The following KAZN variants were observed in gnomAD, a reference collection of about 807,000 sequenced individuals.
KAZN encodes the protein kazrin, periplakin interacting protein.
KAZN carries 40 observed loss-of-function variants against 87.4 expected under a neutral mutation model. The observed-to-expected ratio is 0.46, with a 90% confidence interval of 0.36 to 0.60. The LOEUF is 0.60. Among genes scored for constraint, KAZN ranks in the 20% least tolerant of loss-of-function variants. The probability of loss-of-function intolerance (pLI) is 0.00; values close to 1 mark genes in which losing one functional copy is unlikely to be tolerated. For missense variants in KAZN, 898 were observed against 1,073.9 expected, an observed-to-expected ratio of 0.84 and a Z score of 2.29; for synonymous variants, 466 against 458.3, an observed-to-expected ratio of 1.02 and a Z score of -0.22.
chr1:13,926,783 T>C (rs1640297138), intron 1 of KAZN, among the ~76,000 whole-genome samples: 1 of 152,156 alleles, frequency 6.6e-6, no homozygotes, highest in African/African-American at 2.4e-5. Context: ...TATTTGATAC[T>C]GGGGTGACAG....
At chr1:14,896,368 T>C (rs1042810938) in intron 1 of KAZN, among the ~76,000 whole-genome samples, 5 of 152,190 alleles carry the variant, frequency 3.3e-5, no homozygotes, top group Admixed American at 6.5e-5. Context: ...AGATGCCTTT[T>C]TAAAAGACGA....
At chr1:14,345,009 C>A (rs2100919892) in intron 2 of KAZN, among the ~76,000 whole-genome samples, 1 of 151,732 alleles carries the variant, frequency 6.6e-6, no homozygotes, top group African/African-American at 2.4e-5. Context: ...ACCTCCGCCT[C>A]CAGGGTTCAA....
At chr1:14,134,972 CACACA>C (rs1645073670) in intron 1 of KAZN, among the ~76,000 whole-genome samples, 1 of 10,488 alleles carries the variant, frequency 9.5e-5, no homozygotes, top group African/African-American at 4.5e-4. Context: ...TGCACCCGCA[CACACA>C]CACACACACA....
intron 1 of KAZN, among the ~76,000 whole-genome samples, chr1:13,958,943 AG>A (rs1454529821): frequency 6.6e-6 from 1 of 152,070 alleles, no homozygotes; most frequent in East Asian, 1.9e-4. Context: ...AGCTAAGAAA[AG>A]CCAGGTGTGA....
In KAZN at chr1:14,368,422, A is replaced by C. The variant is rs572907249; in HGVS notation, c.249+187830A>C. Among the ~76,000 whole-genome samples, 4 of 152,314 alleles carry C rather than the reference A, an allele frequency of 2.6e-5. No individual in the cohort carries two copies. The South Asian group carries it at 8.3e-4, about 32-fold the overall frequency. On this transcript the variant is annotated intron_variant, in intron 2 of 16. Transcript: ENST00000636203. The stretch of plus-strand genomic sequence containing the variant: ...TTGTCAGAGTGTTTATGAATGATCC[A>C]TCCATTAGGCACTCCCATGATGTGG...
chr1:14,376,109 A>G (rs1660897539), intron 2 of KAZN, among the ~76,000 whole-genome samples: 1 of 152,172 alleles, frequency 6.6e-6, no homozygotes, highest in African/African-American at 2.4e-5. Context: ...GCACCTGAAC[A>G]CAGTGAGGGA....
chr1:14,413,594 A>G (rs988596956), intron 2 of KAZN, among the ~76,000 whole-genome samples: 4 of 54,618 alleles, frequency 7.3e-5, no homozygotes, highest in Non-Finnish European at 2.0e-4. Flanking sequence ...GTCTCAAAAG[A>G]AAAAAAAAAA....
chr1:14,068,959 T>G (rs1049546465), intron 1 of KAZN, among the ~76,000 whole-genome samples: 1 of 151,940 alleles, frequency 6.6e-6, no homozygotes, highest in African/African-American at 2.4e-5. Flanking sequence ...CCACCACGCC[T>G]GGTTAATTTT....
At chr1:14,165,047 T>C (rs1645796323) in intron 1 of KAZN, among the ~76,000 whole-genome samples, 1 of 138,410 alleles carries the variant, frequency 7.2e-6, no homozygotes, top group Non-Finnish European at 1.6e-5. Context: ...AGGATCATTT[T>C]TCCTCTTAAA....
In KAZN at chr1:14,569,689, G is replaced by A. The variant is rs150403217; in HGVS notation, c.250-29294G>A. ...CATCAACCAGTTTGGGAAAATTTCT[G>A]CTTAAAATCACAAGTCATTAACACC... On this transcript the variant is annotated intron_variant, in intron 2 of 16. Coordinates refer to the KAZN transcript ENST00000636203. 4.5e-3 allele frequency among the ~76,000 whole-genome samples: 691 copies of A among 152,108 alleles called. 8 individuals carry two copies. The highest frequency in any genetic ancestry group is 0.016 in the African/African-American group (652 of 41,488).
At chr1:13,919,207 A>G in intron 1 of KAZN, among the ~76,000 whole-genome samples, 1 of 152,180 alleles carries the variant, frequency 6.6e-6, no homozygotes, top group East Asian at 1.9e-4. Flanking sequence ...CCTCCTTTTA[A>G]TCATCTCCTC....
chr1:14,236,111 G>A (rs1462495781), intron 2 of KAZN, among the ~76,000 whole-genome samples: 2 of 115,154 alleles, frequency 1.7e-5, no homozygotes, highest in African/African-American at 2.7e-5. Flanking sequence ...TACTTTTAAT[G>A]ATATTTTCTT....
rs1019210727 is a variant in KAZN, at chr1:14,079,848, A to G, written c.92-100587A>G. Among the ~76,000 whole-genome samples, 9 of 152,108 alleles carry G rather than the reference A, an allele frequency of 5.9e-5. 1 individual carries two copies. Among genetic ancestry groups the G allele is most frequent in the Admixed American group, 5.9e-4 (9 of 15,268 alleles). ...TTGGGCTGGCACCAAGCCATTCATG[A>G]GGGACCCGCCCCCATGACCCAAACC... On this transcript the variant is annotated intron_variant, in intron 1 of 16. Transcript: ENST00000636203.
At chr1:15,010,222 G>A (rs967356240) in intron 2 of KAZN, among the ~76,000 whole-genome samples, 6 of 152,094 alleles carry the variant, frequency 3.9e-5, no homozygotes, top group Non-Finnish European at 7.3e-5. Context: ...TCCCCATGGT[G>A]TCCTTAACAT....
At chr1:13,988,313 G>C (rs61775648) in intron 1 of KAZN, among the ~76,000 whole-genome samples, 7 of 151,808 alleles carry the variant, frequency 4.6e-5, no homozygotes, top group Non-Finnish European at 1.0e-4. Flanking sequence ...CTATATAGTC[G>C]GGGTAAATAA....
chr1:14,417,145 T>C (rs905074116), intron 2 of KAZN, among the ~76,000 whole-genome samples: 3 of 148,072 alleles, frequency 2.0e-5, no homozygotes, highest in African/African-American at 7.5e-5. Flanking sequence ...TGACCCAAGA[T>C]TGCACCTGGG....
chr1:14,933,602 C>T (rs1660099392), intron 1 of KAZN, among the ~76,000 whole-genome samples: 1 of 148,458 alleles, frequency 6.7e-6, no homozygotes, highest in African/African-American at 2.6e-5. Context: ...AAAATCAGCA[C>T]CTTGATATGT....
At chr1:13,905,022 C>T (rs1639386004) in intron 1 of KAZN, among the ~76,000 whole-genome samples, 2 of 152,166 alleles carry the variant, frequency 1.3e-5, no homozygotes, top group African/African-American at 4.8e-5. Flanking sequence ...GTCTAATCTT[C>T]AGCTGAACTC....
intron 2 of KAZN, among the ~76,000 whole-genome samples, chr1:14,507,647 T>G (rs1438923771): frequency 6.6e-6 from 1 of 152,148 alleles, no homozygotes; most frequent in Non-Finnish European, 1.5e-5. Context: ...GAGCTGTCTT[T>G]TCTTCCCCAA....
Sources: allele counts gnomAD v4.1 joint callset (sites outside exome capture counted in the v4.1 genomes callset), GRCh38; gene constraint gnomAD v4.1.1; transcripts MANE v1.5; gene names NCBI Gene and HGNC (gene_info 2026-07-23, HGNC 2026-07-21).